Variants in DHX15 observed in about 807,000 individuals in gnomAD.
DHX15 encodes ATP-dependent RNA helicase DHX15.
A neutral mutation model predicts 94.4 loss-of-function variants in DHX15; 11 were observed. That is an observed-to-expected ratio of 0.12 (90% CI 0.07 to 0.19). The LOEUF is 0.19. Among genes scored for constraint, DHX15 ranks in the 10% least tolerant of loss-of-function variants. The pLI is 1.00. For synonymous variants in DHX15, 338 were observed against 329.9 expected, an observed-to-expected ratio of 1.02 and a Z score of -0.27; for missense variants, 304 against 988.5, an observed-to-expected ratio of 0.31 and a Z score of 9.29.
chr4:24,583,802 A>G (rs1208562833), intron 1 of DHX15, among the ~76,000 whole-genome samples: 1 of 147,688 alleles, frequency 6.8e-6, no homozygotes, highest in Non-Finnish European at 1.5e-5. Context: ...CCCAGCCTAC[A>G]TTATGATCCA....
chr4:24,570,160 G>A (rs180860933), intron 3 of DHX15, among the ~76,000 whole-genome samples: 72 of 152,306 alleles, frequency 4.7e-4, no homozygotes, highest in Non-Finnish European at 9.0e-4. Flanking sequence ...CAAGGACCTA[G>A]AGGCAGCTCT....
intron 7 of DHX15, 99 bp from the exon 8 acceptor site, chr4:24,542,121 TAAAG>T (rs374107056): frequency 0.013 from 13,432 of 1,018,922 alleles, 117 homozygotes; most frequent in Non-Finnish European, 0.016. Flanking sequence ...CCAAAATAAA[TAAAG>T]AAATATCGAT....
At position 24,554,950 on chromosome 4, in the gene DHX15, G is replaced by A; in HGVS notation, c.862-7C>T. 7 of 1,605,762 alleles carry A rather than the reference G, an allele frequency of 4.4e-6. No homozygotes were observed. The highest frequency in any genetic ancestry group is 6.0e-6 in the Non-Finnish European group (7 of 1,173,258). On this transcript the variant is annotated splice_polypyrimidine_tract_variant and splice_region_variant and intron_variant, in intron 4 of 13. Coordinates refer to ENST00000336812, the MANE Select transcript of DHX15 (RefSeq NM_001358.3). Reference sequence around the variant, plus strand: ...TAGCGCTCATAACTATAACCTGAAAGAAAACAGTAAATTATTTGAAGCTGT... The same window carrying A: ...TAGCGCTCATAACTATAACCTGAAAAAAAACAGTAAATTATTTGAAGCTGT...
rs528127755 is a variant in DHX15 at position 24,568,811 on chromosome 4, C to A, written c.701+1843G>T. On this transcript the variant is annotated intron_variant, in intron 3 of 13. Transcript: ENST00000336812. Reference sequence around the variant, plus strand: ...TTACCTGCATTTTAAAGTAATACAACATAATGAGCTATGATTTTGCTTATG... The same window carrying A: ...TTACCTGCATTTTAAAGTAATACAAAATAATGAGCTATGATTTTGCTTATG... Among the ~76,000 whole-genome samples, 6 of 152,294 alleles carry A rather than the reference C, an allele frequency of 3.9e-5. No homozygotes were observed. In the South Asian group the frequency reaches 6.2e-4, roughly 16 times the overall value.
chr4:24,570,571 G>A, intron 3 of DHX15, 83 bp downstream of exon 3: 1 of 1,271,636 alleles, frequency 7.9e-7, no homozygotes, highest in Non-Finnish European at 1.1e-6. Context: ...GATGACATAA[G>A]CCTGCACTAG....
chr4:24,557,168 G>A (rs928227914), intron 3 of DHX15, among the ~76,000 whole-genome samples: 3 of 152,144 alleles, frequency 2.0e-5, no homozygotes, highest in African/African-American at 7.2e-5. Context: ...AAGGCAATGA[G>A]ATCAAGGGTC....
At chr4:24,536,860 T>A (rs1721209302) in intron 11 of DHX15, among the ~76,000 whole-genome samples, 191 bp downstream of exon 11, 1 of 152,242 alleles carries the variant, frequency 6.6e-6, no homozygotes, top group Non-Finnish European at 1.5e-5. Context: ...TATCCCCTGA[T>A]TATAAACATA....
At chr4:24,579,878 G>A (rs1157654401) in intron 1 of DHX15, among the ~76,000 whole-genome samples, 1 of 152,112 alleles carries the variant, frequency 6.6e-6, no homozygotes, top group African/African-American at 2.4e-5. Flanking sequence ...CGATTCTCCT[G>A]CCTCAGCCTC....
intron 3 of DHX15, among the ~76,000 whole-genome samples, chr4:24,558,382 C>T (rs1171695599): frequency 2.6e-5 from 4 of 152,094 alleles, no homozygotes; most frequent in Non-Finnish European, 4.4e-5. Context: ...AAGTCACCTT[C>T]TTTATTTTGA....
chr4:24,550,545 A>T (rs1721578657), intron 5 of DHX15, among the ~76,000 whole-genome samples: 1 of 152,126 alleles, frequency 6.6e-6, no homozygotes, highest in South Asian at 2.1e-4. Context: ...TAAAAGACAC[A>T]AACACACACT....
chr4:24,536,119 G>A (rs1424204931), intron 11 of DHX15, among the ~76,000 whole-genome samples: 3 of 152,116 alleles, frequency 2.0e-5, no homozygotes, highest in Non-Finnish European at 4.4e-5. Flanking sequence ...GCAGCAGCTA[G>A]CAATAACTTC....
chr4:24,584,394 C>T lies in DHX15; in HGVS notation c.-1G>A. The T allele has an allele frequency of 6.2e-6, 10 of 1,611,792 alleles. No individual in the cohort carries two copies. The highest frequency in any genetic ancestry group is 7.6e-6 in the Non-Finnish European group (9 of 1,179,146). ...GGTCCAACCGGTGCCGCTTGGACAT[C>T]CTCGCACTCTTCGAACGGGCAGTTA... On this transcript the variant is annotated 5_prime_UTR_variant, in exon 1 of 14. Coordinates refer to ENST00000336812, the MANE Select transcript of DHX15 (RefSeq NM_001358.3).
chr4:24,545,823 C>T (rs1310571946), intron 6 of DHX15, among the ~76,000 whole-genome samples: 1 of 152,168 alleles, frequency 6.6e-6, no homozygotes, highest in Non-Finnish European at 1.5e-5. Context: ...ATAATTGTTA[C>T]ATGCTTTCTA....
chr4:24,583,446 G>A (rs189038487), intron 1 of DHX15, among the ~76,000 whole-genome samples: 1 of 151,478 alleles, frequency 6.6e-6, no homozygotes, highest in Non-Finnish European at 1.5e-5. Context: ...ATGAAGAAAA[G>A]TGGGACATGC....
rs2109394288 is a variant in DHX15, at chr4:24,537,655, T to C, written c.1787-482A>G. The C allele has an allele frequency of 6.5e-6, 1 of 153,416 alleles. No individual in the cohort carries two copies. Among genetic ancestry groups the C allele is most frequent in the Non-Finnish European group, 1.5e-5 (1 of 68,830 alleles). The allele number at this position is 153,416 out of a possible 1,614,324, so 9.5% of individuals were successfully genotyped here. Reference sequence around the variant, plus strand: ...TGAAACCAGTCTACTGCCATGTTTCTATCAGAATTTTTTCCCTAATACTGT... The same window carrying C: ...TGAAACCAGTCTACTGCCATGTTTCCATCAGAATTTTTTCCCTAATACTGT... On this transcript the variant is annotated intron_variant, in intron 10 of 13. Transcript: ENST00000336812. The surrounding 1 kb of genome is among the most constrained non-coding windows in gnomAD (Gnocchi z 4.7).
chr4:24,528,670 T>G (rs1721011939), intron 13 of DHX15, among the ~76,000 whole-genome samples: 1 of 152,188 alleles, frequency 6.6e-6, no homozygotes, highest in Admixed American at 6.5e-5. Context: ...GGCTGACATT[T>G]CCTGTCATAG....
intron 6 of DHX15, among the ~76,000 whole-genome samples, chr4:24,544,106 T>G (rs1721374340): frequency 6.6e-6 from 1 of 152,180 alleles, no homozygotes; most frequent in Non-Finnish European, 1.5e-5. Flanking sequence ...GAAACAGCAC[T>G]AGCACTAAAG....
chr4:24,538,390 T>C (rs1721236217), intron 10 of DHX15: 2 of 152,248 alleles, frequency 1.3e-5, no homozygotes, highest in South Asian at 4.1e-4. Context: ...TTGCTTAATT[T>C]AATTGAAGCA....
chr4:24,563,133 T>C (rs969934244), intron 3 of DHX15: 1 of 150,778 alleles, frequency 6.6e-6, no homozygotes, highest in Non-Finnish European at 1.5e-5. Flanking sequence ...TATATACATA[T>C]AAAGAAATAT....
Sources: allele counts gnomAD v4.1 joint callset (sites outside exome capture counted in the v4.1 genomes callset), GRCh38; gene constraint gnomAD v4.1.1; non-coding constraint Gnocchi (gnomAD v3.1); transcripts MANE v1.5; gene names NCBI Gene and HGNC (gene_info 2026-07-23, HGNC 2026-07-21).